The following TTC3 variants were observed in gnomAD, a reference collection of about 807,000 sequenced individuals.
TTC3 encodes E3 ubiquitin-protein ligase TTC3.
A neutral mutation model predicts 249.6 loss-of-function variants in TTC3; 180 were observed. The observed-to-expected ratio is 0.72, with a 90% CI of 0.64 to 0.82. TTC3 has a LOEUF of 0.82. TTC3 is among the 40% of genes least tolerant of loss of function. TTC3 has a pLI of 0.00. For synonymous variants in TTC3, 717 were observed against 805.0 expected (o/e 0.89, Z 1.85); for missense variants, 2,061 against 2,398.4 (o/e 0.86, Z 2.94).
chr21:37,124,786 T>G (rs759715005), intron 14 of TTC3, 44 bp downstream of exon 14: 12 of 1,596,636 alleles, frequency 7.5e-6, no homozygotes, highest in Non-Finnish European at 1.0e-5. Context: ...GGATAGATAG[T>G]CTCATATTTT....
At chr21:37,116,006 A>G (rs1295931517) in intron 11 of TTC3, among the ~76,000 whole-genome samples, 1 of 152,136 alleles carries the variant, frequency 6.6e-6, no homozygotes, top group Non-Finnish European at 1.5e-5. Flanking sequence ...TATCTAATAC[A>G]TTATATCTAC....
intron 30 of TTC3, 114 bp from the exon 31 acceptor site, chr21:37,161,876 A>G (rs932727644): frequency 4.7e-6 from 3 of 631,624 alleles, no homozygotes; most frequent in African/African-American, 3.7e-5. Flanking sequence ...TAGATCTTAT[A>G]TATCAGCAAT....
chr21:37,133,318 T>G (rs1463827218), intron 17 of TTC3, among the ~76,000 whole-genome samples: 1 of 152,220 alleles, frequency 6.6e-6, no homozygotes, highest in Non-Finnish European at 1.5e-5. Context: ...TAACATGGAA[T>G]AGAATACTCA....
chr21:37,079,619 C>A (rs1325063144), intron 1 of TTC3, among the ~76,000 whole-genome samples: 1 of 146,320 alleles, frequency 6.8e-6, no homozygotes, highest in Non-Finnish European at 1.5e-5. Flanking sequence ...GCAACCTCTG[C>A]CTCCTGAGTT....
intron 6 of TTC3, chr21:37,090,556 TTA>T: frequency 3.2e-6 from 3 of 939,886 alleles, no homozygotes; most frequent in Non-Finnish European, 3.8e-6. Flanking sequence ...TTTACCTGGC[TTA>T]TGTTTCCCCA....
intron 18 of TTC3, 116 bp downstream of exon 18, chr21:37,135,630 G>A (rs2077863818): frequency 1.6e-6 from 2 of 1,260,634 alleles, no homozygotes; most frequent in Non-Finnish European, 2.1e-6. Context: ...GCTGAGATTG[G>A]CTGAATCTAC....
chr21:37,082,675 C>G, intron 1 of TTC3: 1 of 985,082 alleles, frequency 1.0e-6, no homozygotes, highest in Non-Finnish European at 1.2e-6. Context: ...TTCACATGTT[C>G]CCCTATTTCT....
In TTC3 at chr21:37,110,892, G is replaced by A. The variant is rs191644787; in HGVS notation, c.900+2446G>A. ...CTCTACAAGCCAGAAGAGAGTGGGG[G>A]CGAATATTCAACATTCTTAAAGAAA... On this transcript the variant is annotated intron_variant, in intron 11 of 45. Transcript: ENST00000355666. Among the ~76,000 whole-genome samples the A allele has an allele frequency of 2.4e-3, 366 of 152,308 alleles. 1 individual carries two copies. Among genetic ancestry groups the A allele is most frequent in the Non-Finnish European group, 3.8e-3 (260 of 68,026 alleles).
intron 34 of TTC3, among the ~76,000 whole-genome samples, chr21:37,168,010 A>G (rs369969103): frequency 1.3e-5 from 2 of 152,264 alleles, no homozygotes; most frequent in East Asian, 1.9e-4. Flanking sequence ...ATAATACAGA[A>G]AGATAAAGAC....
chr21:37,102,732 C>G (rs375924210), intron 10 of TTC3, among the ~76,000 whole-genome samples: 1 of 152,152 alleles, frequency 6.6e-6, no homozygotes, highest in Non-Finnish European at 1.5e-5. Flanking sequence ...TGCAGTGGCT[C>G]GTGCCTGTAA....
At chr21:37,073,764 G>T (rs1056509494) in intron 1 of TTC3, among the ~76,000 whole-genome samples, 3 of 152,170 alleles carry the variant, frequency 2.0e-5, no homozygotes, top group Non-Finnish European at 4.4e-5. Flanking sequence ...TTTTGTGTCG[G>T]TGTCCGCGCT....
chr21:37,073,460 T>G (rs2070313202), intron 1 of TTC3: 1 of 986,174 alleles, frequency 1.0e-6, no homozygotes, highest in East Asian at 1.1e-4. Flanking sequence ...CCACACCCCC[T>G]CCGTGGGTGT....
At chr21:37,165,665 G>A (rs1270271197) in exon 33 of TTC3, 1 of 1,613,982 alleles carries the variant, frequency 6.2e-7, no homozygotes, top group South Asian at 1.1e-5. Flanking sequence ...AAAAGCAGGA[G>A]GTTTAAAACC....
At chr21:37,102,117 A>G (rs1260070282) in intron 10 of TTC3, among the ~76,000 whole-genome samples, 20 of 152,106 alleles carry the variant, frequency 1.3e-4, no homozygotes, top group Admixed American at 1.3e-3. Context: ...CTCATGATAT[A>G]TGAATGAAAG....
chr21:37,190,120 C>A (rs193196745), intron 39 of TTC3, among the ~76,000 whole-genome samples: 1,214 of 94,844 alleles, frequency 0.013, 8 homozygotes, highest in Non-Finnish European at 0.02. Flanking sequence ...GTGTATAGTT[C>A]TTTTTCTTTC....
exon 14 of TTC3, chr21:37,124,723 G>T (rs1361425310): frequency 6.2e-7 from 1 of 1,612,632 alleles, no homozygotes; most frequent in African/African-American, 1.3e-5. Context: ...ATGGCCAACG[G>T]TGGTAATCAG....
At chr21:37,197,522 G>A in intron 42 of TTC3, 48 bp from the exon 43 acceptor site, 4 of 1,609,578 alleles carry the variant, frequency 2.5e-6, no homozygotes, top group Non-Finnish European at 3.4e-6. Context: ...ATATTTCTTA[G>A]CAGTAGAGAA....
chr21:37,080,529 T>G (rs1321098721), intron 1 of TTC3, among the ~76,000 whole-genome samples: 1 of 152,214 alleles, frequency 6.6e-6, no homozygotes, highest in Non-Finnish European at 1.5e-5. Context: ...TTATTAATTT[T>G]GGTTTATCCT....
chr21:37,128,886 G>A lies in TTC3; in HGVS notation c.1298-117G>A, dbSNP rs940694540. On this transcript the variant is annotated intron_variant, in intron 15 of 45. Coordinates refer to ENST00000355666, the Ensembl canonical transcript of TTC3. ...CTTACCCTTTTGTAGTTACACCCACGTACCACATTTCTGCTTCTGTTTTCT... is the reference window on the plus strand; with the variant it reads ...CTTACCCTTTTGTAGTTACACCCACATACCACATTTCTGCTTCTGTTTTCT... 1.2e-3 allele frequency: 787 copies of A among 641,318 alleles called. 5 individuals carry two copies. The African/African-American group carries it at 0.014, about 11-fold the overall frequency. 39.7% of individuals were successfully genotyped at this position (641,318 alleles called of 1,614,324 possible). A position where few individuals can be genotyped will look rare whatever the true frequency, so the allele number is the denominator to read the frequency against.
Sources: gnomAD v4.1 joint callset for allele counts (sites outside exome capture counted in the v4.1 genomes callset) on GRCh38, gnomAD v4.1.1 for gene constraint, MANE v1.5 for transcripts, NCBI Gene and HGNC (gene_info 2026-07-23, HGNC 2026-07-21) for gene names.